Variants in GNG7 observed in about 807,000 individuals in gnomAD.
The protein encoded by GNG7 is G protein subunit gamma 7.
GNG7 carries 1 observed loss-of-function variant against 4.0 expected under a neutral mutation model. The observed-to-expected ratio is 0.25, with a 90% CI of 0.09 to 1.18. GNG7 has a LOEUF of 1.18. Ranked by LOEUF, GNG7 falls within the 50% of genes most tolerant of loss-of-function variation. The probability of loss-of-function intolerance (pLI) is 0.50; values close to 1 mark genes in which losing one functional copy is unlikely to be tolerated. For missense variants in GNG7, 86 were observed against 91.9 expected (o/e 0.94, Z 0.26); for synonymous variants, 34 against 36.9 (o/e 0.92, Z 0.29).
chr19:2,524,441 A>ATGTGCATGTATGTGTACCTTGCG (rs1978331879), intron 3 of GNG7, among the ~76,000 whole-genome samples: 1 of 152,200 alleles, frequency 6.6e-6, no homozygotes, highest in Non-Finnish European at 1.5e-5. Context: ...GTGTGTGCAC[A>ATGTGCATGTATGTGTACCTTGCG]TGTGCATGTA....
chr19:2,559,801 C>CACGCTGGGCTAACTTTT (rs1568243505), intron 2 of GNG7, among the ~76,000 whole-genome samples: 3 of 152,146 alleles, frequency 2.0e-5, no homozygotes, highest in African/African-American at 7.2e-5. Context: ...CGTGAGCCAC[C>CACGCTGGGCTAACTTTT]GTGCCTGGCT....
rs1983916878 is a variant in GNG7 at position 2,688,096 on chromosome 19, AC to A, written c.-135+14549del. Among the ~76,000 whole-genome samples, 9 of 151,266 alleles carry A rather than the reference AC, an allele frequency of 5.9e-5. No homozygotes were observed. In the South Asian group the frequency reaches 1.9e-3, roughly 32 times the overall value. On this transcript the variant is annotated intron_variant, in intron 1 of 4. Transcript: ENST00000382159. ...TGAAACCCCGTCCCTACTAAAAATAACAAAAAATTAGCCGGGCATGGTGGCG... is the reference window on the plus strand; with the variant it reads ...TGAAACCCCGTCCCTACTAAAAATAAAAAAAATTAGCCGGGCATGGTGGCG...
chr19:2,646,093 T>C (rs1437254526), intron 2 of GNG7, 131 bp downstream of exon 2: 1 of 152,160 alleles, frequency 6.6e-6, no homozygotes, highest in East Asian at 1.9e-4. Context: ...ACTTGGTGGA[T>C]ACAAACAGCC....
At chr19:2,685,444 C>G (rs1235293788) in intron 1 of GNG7, among the ~76,000 whole-genome samples, 1 of 152,020 alleles carries the variant, frequency 6.6e-6, no homozygotes, top group African/African-American at 2.4e-5. Flanking sequence ...GCCAATATAG[C>G]AAGACCCCAT....
intron 2 of GNG7, among the ~76,000 whole-genome samples, chr19:2,568,417 G>T (rs929217042): frequency 4.3e-5 from 6 of 140,704 alleles, no homozygotes; most frequent in East Asian, 4.4e-4. Flanking sequence ...TATACACATA[G>T]ACATACACAC....
At chr19:2,600,631 T>C (rs1981171522) in intron 2 of GNG7, among the ~76,000 whole-genome samples, 1 of 151,762 alleles carries the variant, frequency 6.6e-6, no homozygotes. Context: ...CCACCACACC[T>C]GGCTAATTTT....
intron 1 of GNG7, among the ~76,000 whole-genome samples, chr19:2,676,830 G>T (rs6510695): frequency 0.33 from 49,701 of 151,828 alleles, 9,504 homozygotes; most frequent in East Asian, 0.56. Context: ...AGCCGGGCGG[G>T]TGCAAGACTC....
In GNG7 at chr19:2,581,411, A is replaced by G. The variant is rs896912686; in HGVS notation, c.-77-26223T>C. 2.6e-5 allele frequency among the ~76,000 whole-genome samples: 4 copies of G among 151,758 alleles called. No individual in the cohort carries two copies. In the East Asian group the frequency reaches 7.8e-4, roughly 30 times the overall value. ...TTCCTTCACTTGCAAATTGCCCAGG[A>G]GGGGTCAGCAGAGATACTGAGTTCC... On this transcript the variant is annotated intron_variant, in intron 2 of 4. Coordinates refer to ENST00000382159, the MANE Select transcript of GNG7 (RefSeq NM_052847.3).
chr19:2,568,282 TACACACATATACACACGC>T (rs1568246837), intron 2 of GNG7, among the ~76,000 whole-genome samples: 1 of 96,346 alleles, frequency 1.0e-5, no homozygotes, highest in Non-Finnish European at 2.4e-5. Flanking sequence ...CATATAGACT[TACACACATATACACACGC>T]ACACACATAC....
At chr19:2,649,390 AATTATTATT>A (rs142328153) in intron 1 of GNG7, among the ~76,000 whole-genome samples, 1 of 145,796 alleles carries the variant, frequency 6.9e-6, no homozygotes, top group Non-Finnish European at 1.5e-5. Flanking sequence ...CACCCCTAGG[AATTATTATT>A]ATTATTATTA....
chr19:2,625,625 C>T (rs889807692), intron 2 of GNG7, among the ~76,000 whole-genome samples: 16 of 152,094 alleles, frequency 1.1e-4, no homozygotes, highest in Non-Finnish European at 2.1e-4. Flanking sequence ...CCCAGTGTTT[C>T]CATGGTTGCC....
Position 2,626,394 on chromosome 19 carries a change from ATTG to A in GNG7, c.-78+19827_-78+19829del, listed in dbSNP as rs1982023059. The stretch of plus-strand genomic sequence containing the variant: ...ACACAGGGAGGCTGGACCCAAACCA[ATTG>A]ATTGTTGTCATGGGTGGAGCCGGAA... On this transcript the variant is annotated intron_variant, in intron 2 of 4. Transcript: ENST00000382159. This position sits in a 1 kb window ranked among gnomAD's most constrained non-coding sequence, Gnocchi z 5.0. Among the ~76,000 whole-genome samples, 1 of 151,966 alleles carries A rather than the reference ATTG, an allele frequency of 6.6e-6. No homozygotes were observed. Among genetic ancestry groups the A allele is most frequent in the Non-Finnish European group, 1.5e-5 (1 of 67,980 alleles).
At chr19:2,550,501 T>A (rs562501968) in intron 3 of GNG7, among the ~76,000 whole-genome samples, 2 of 152,286 alleles carry the variant, frequency 1.3e-5, no homozygotes, top group South Asian at 4.1e-4. Flanking sequence ...GTGCTGCGAT[T>A]ACAGGCAGGA....
chr19:2,515,157 A>G lies in GNG7; in HGVS notation c.82-10T>C. 2.5e-6 allele frequency: 4 copies of G among 1,613,570 alleles called. No homozygotes were observed. The highest frequency in any genetic ancestry group is 3.4e-6 in the Non-Finnish European group (4 of 1,179,946). On this transcript the variant is annotated splice_polypyrimidine_tract_variant and intron_variant, in intron 4 of 4. Coordinates refer to ENST00000382159, the MANE Select transcript of GNG7 (RefSeq NM_052847.3). ...ACGCCGCTTTGGAGACCTGTGTTTGAGCACAAGGAGGAGACAGAGGAGACA... is the reference window on the plus strand; with the variant it reads ...ACGCCGCTTTGGAGACCTGTGTTTGGGCACAAGGAGGAGACAGAGGAGACA...
intron 2 of GNG7, among the ~76,000 whole-genome samples, chr19:2,640,119 GGGGAGGAGGGA>G (rs895446552): frequency 8.7e-6 from 1 of 115,192 alleles, no homozygotes; most frequent in African/African-American, 3.4e-5. Context: ...GAGGGAGGGA[GGGGAGGAGGGA>G]GGGAGGAGGG....
At chr19:2,581,107 G>A (rs1172138600) in intron 2 of GNG7, among the ~76,000 whole-genome samples, 5 of 151,946 alleles carry the variant, frequency 3.3e-5, no homozygotes, top group African/African-American at 9.7e-5. Flanking sequence ...TTCTTCCCTC[G>A]TCTTCCCCTC....
chr19:2,516,968 C>T (rs369360530), intron 4 of GNG7: 3 of 152,210 alleles, frequency 2.0e-5, no homozygotes, highest in Non-Finnish European at 4.4e-5. Context: ...CTGGGGTGTC[C>T]GGTGTCCTGG....
At chr19:2,688,277 T>C (rs1030219217) in intron 1 of GNG7, among the ~76,000 whole-genome samples, 7 of 152,032 alleles carry the variant, frequency 4.6e-5, no homozygotes, top group Admixed American at 6.6e-5. Flanking sequence ...GAAATCATGA[T>C]GCAAAGATGA....
intron 3 of GNG7, 115 bp from the exon 4 acceptor site, chr19:2,520,840 T>A: frequency 1.7e-6 from 1 of 597,522 alleles, no homozygotes; most frequent in Non-Finnish European, 3.0e-6. Context: ...ACTTTGCCTC[T>A]GGGTGGGGAC....
Sources: gnomAD v4.1 joint callset for allele counts (sites outside exome capture counted in the v4.1 genomes callset) on GRCh38, gnomAD v4.1.1 for gene constraint, Gnocchi (gnomAD v3.1) non-coding constraint, MANE v1.5 for transcripts, NCBI Gene and HGNC (gene_info 2026-07-23, HGNC 2026-07-21) for gene names.